ZIM2: variants seen among roughly 807,000 people sequenced by gnomAD.
ZIM2 encodes zinc finger imprinted 2, also known as zinc finger protein 656.
ZIM2 carries 14 observed loss-of-function variants against 38.6 expected under a neutral mutation model. The ratio of observed to expected loss-of-function variants is 0.36; its 90% CI spans 0.24 to 0.57. The LOEUF is 0.57. ZIM2 is among the 20% of genes least tolerant of loss of function. The probability of loss-of-function intolerance (pLI) is 0.81; values close to 1 mark genes in which losing one functional copy is unlikely to be tolerated. For missense variants in ZIM2, 680 were observed against 695.1 expected (o/e 0.98, Z 0.24); for synonymous variants, 247 against 245.8 (o/e 1.00, Z -0.04).
At chr19:56,786,994 G>A (rs1186387362) in intron 10 of ZIM2, among the ~76,000 whole-genome samples, 4 of 152,050 alleles carry the variant, frequency 2.6e-5, no homozygotes, top group South Asian at 2.1e-4. Flanking sequence ...GTGTCACCAC[G>A]CCCAGCTAAT....
intron 7 of ZIM2, 67 bp downstream of exon 7, chr19:56,821,584 G>A (rs1162594092): frequency 1.3e-6 from 2 of 1,585,550 alleles, no homozygotes; most frequent in African/African-American, 2.7e-5. Context: ...ACCATCTGGG[G>A]AAAGAAAGGC....
At position 56,836,097 on chromosome 19, in the gene ZIM2, A is replaced by C; in HGVS notation, c.-306T>G. 1 of 486,622 alleles carries C rather than the reference A, an allele frequency of 2.1e-6. No individual in the cohort carries two copies. The highest frequency in any genetic ancestry group is 4.1e-6 in the Non-Finnish European group (1 of 243,378). 30.1% of individuals were successfully genotyped at this position (486,622 alleles called of 1,614,324 possible). ...CTCCAAGAAGGACGGAAGATCAAGA[A>C]GGCAAAGCTGTAGAGGAAAAGAAAA... On this transcript the variant is annotated 5_prime_UTR_variant, in exon 2 of 13. Coordinates refer to ENST00000629319, the MANE Select transcript of ZIM2 (RefSeq NM_001387356.1).
In ZIM2 at chr19:56,818,690, A is replaced by G; in HGVS notation, c.307T>C (p.Tyr103His). The change falls in exon 8 of 13, where the codon TAC becomes CAC. Residue 103 changes from tyrosine to histidine, a missense_variant. Tyr to His is a moderately conservative substitution (Grantham distance 83). Coordinates refer to ENST00000629319, the MANE Select transcript of ZIM2 (RefSeq NM_001387356.1). ...TCAGCGAGGTCCACCACATTTTGGT[A>G]TGATTCAGCATCCTAAAACAGCAAA... ...YESRSQDAES[Y>H]QNVVDLAEDR... 1 of 1,614,162 alleles carries G rather than the reference A, an allele frequency of 6.2e-7. No individual in the cohort carries two copies. Among genetic ancestry groups the G allele is most frequent in the Non-Finnish European group, 8.5e-7 (1 of 1,180,026 alleles).
intron 11 of ZIM2, among the ~76,000 whole-genome samples, chr19:56,780,556 T>G (rs2046280365): frequency 1.3e-5 from 2 of 152,114 alleles, no homozygotes; most frequent in African/African-American, 4.8e-5. Flanking sequence ...TACGCTTATT[T>G]TCAATGGAAG....
intron 11 of ZIM2, among the ~76,000 whole-genome samples, chr19:56,779,890 G>T (rs372279671): frequency 1.3e-5 from 2 of 152,190 alleles, no homozygotes; most frequent in East Asian, 3.8e-4. Context: ...CAACATTATG[G>T]TTCTTTTCCC....
At chr19:56,813,551 G>A in intron 9 of ZIM2, 1 of 1,448,398 alleles carries the variant, frequency 6.9e-7, no homozygotes, top group East Asian at 2.5e-5. Flanking sequence ...GAGATGTTAA[G>A]TCAGGTGTGT....
intron 2 of ZIM2, among the ~76,000 whole-genome samples, chr19:56,832,353 A>G (rs542295609): frequency 6.6e-6 from 1 of 151,400 alleles, no homozygotes; most frequent in South Asian, 2.1e-4. Context: ...CACCATCTGT[A>G]CCTCCCCTCT....
intron 9 of ZIM2, chr19:56,810,895 C>A: frequency 2.1e-6 from 2 of 959,190 alleles, no homozygotes; most frequent in Non-Finnish European, 2.5e-6. Context: ...AATGGAGACA[C>A]ACATAATACA....
At chr19:56,832,574 A>C (rs1228896352) in intron 2 of ZIM2, among the ~76,000 whole-genome samples, 1 of 152,136 alleles carries the variant, frequency 6.6e-6, no homozygotes, top group Non-Finnish European at 1.5e-5. Context: ...TCAGAGCAGG[A>C]CTCAGTGTTA....
intron 9 of ZIM2, among the ~76,000 whole-genome samples, chr19:56,796,177 G>C (rs1336032195): frequency 6.6e-6 from 1 of 151,954 alleles, no homozygotes; most frequent in African/African-American, 2.4e-5. Context: ...GACCCCCCAG[G>C]GTATCAAATT....
rs1453011248 is a variant in ZIM2 at position 56,817,651 on chromosome 19, C to T, written c.490+95G>A. The T allele has an allele frequency of 2.6e-6, 4 of 1,513,770 alleles. No homozygotes were observed. In the South Asian group the frequency reaches 3.5e-5, roughly 13 times the overall value. The allele number at this position is 1,513,770 out of a possible 1,614,324, so 93.8% of individuals were successfully genotyped here. A position where few individuals can be genotyped will look rare whatever the true frequency, so the allele number is the denominator to read the frequency against. ...GGACAGTGGGACTTGGAGGGGTGCA[C>T]CCTTCTGTGATGTTTAGGAATGCAA... On this transcript the variant is annotated intron_variant, in intron 9 of 12. Coordinates refer to ENST00000629319, the MANE Select transcript of ZIM2 (RefSeq NM_001387356.1).
chr19:56,781,749 C>A (rs113437347), intron 11 of ZIM2, among the ~76,000 whole-genome samples: 12 of 152,296 alleles, frequency 7.9e-5, no homozygotes, highest in African/African-American at 2.6e-4. Context: ...ACACAAGTGC[C>A]TGACACATAT....
chr19:56,835,353 C>G (rs945663152), intron 2 of ZIM2, among the ~76,000 whole-genome samples: 6 of 152,202 alleles, frequency 3.9e-5, no homozygotes, highest in African/African-American at 1.4e-4. Flanking sequence ...CTACCTCAAT[C>G]AGATGCCACT....
At position 56,775,082 on chromosome 19, in the gene ZIM2, G is replaced by A. The variant is rs774278374; in HGVS notation, c.1283C>T (p.Ala428Val). The change falls in exon 13 of 13, where the codon GCG (alanine) becomes GTG (valine). Residue 428 changes from alanine to valine, a missense_variant. Physicochemically the swap from Ala to Val is moderately conservative, Grantham distance 64. Coordinates refer to ENST00000629319, the MANE Select transcript of ZIM2 (RefSeq NM_001387356.1). ...AATTCTTACACGTTCACAGAGATTC[G>A]CACACTGGACGGAAGGCTTTCTACC... The part of the protein sequence containing the change: ...NEGRKPSVQC[A>V]NLCERVRIHS... 1.7e-5 allele frequency: 28 copies of A among 1,614,056 alleles called. No homozygotes were observed. The East Asian group carries it at 2.2e-4, about 13-fold the overall frequency.
chr19:56,788,817 T>TC (rs2046773382), intron 10 of ZIM2, among the ~76,000 whole-genome samples: 9 of 152,188 alleles, frequency 5.9e-5, no homozygotes, highest in Non-Finnish European at 1.5e-5. Flanking sequence ...TTTCACATAG[T>TC]CCCATATTTC....
chr19:56,807,599 T>C (rs1209463976), intron 9 of ZIM2, among the ~76,000 whole-genome samples: 1 of 152,142 alleles, frequency 6.6e-6, no homozygotes, highest in African/African-American at 2.4e-5. Flanking sequence ...ACTTGAGCCC[T>C]GGGCACCATA....
At chr19:56,811,361 G>A in intron 9 of ZIM2, 3 of 885,546 alleles carry the variant, frequency 3.4e-6, no homozygotes, top group Non-Finnish European at 4.1e-6. Flanking sequence ...GAACTGTTGA[G>A]TTATAACTGT....
At chr19:56,817,545 G>T in intron 9 of ZIM2, 1 of 1,597,528 alleles carries the variant, frequency 6.3e-7, no homozygotes. Context: ...CCCGCCGGTG[G>T]GTTGATTTTT....
At chr19:56,815,620 T>A in intron 9 of ZIM2, 1 of 1,614,180 alleles carries the variant, frequency 6.2e-7, no homozygotes, top group Non-Finnish European at 8.5e-7. Flanking sequence ...ATGCTCAATG[T>A]ATTTCTTTTT....
Sources: allele counts gnomAD v4.1 joint callset (sites outside exome capture counted in the v4.1 genomes callset), GRCh38; gene constraint gnomAD v4.1.1; transcripts MANE v1.5; gene names NCBI Gene and HGNC (gene_info 2026-07-23, HGNC 2026-07-21).